Variants in ANOS1 observed in about 807,000 individuals in gnomAD.
The protein encoded by ANOS1 is anosmin-1.
In ANOS1, 6 loss-of-function variants were observed where a neutral mutation model predicts 59.0. That is an observed-to-expected ratio of 0.10 (90% confidence interval 0.06 to 0.20). ANOS1 has a LOEUF of 0.20. ANOS1 is among the 10% of genes least tolerant of loss of function. ANOS1 has a pLI of 1.00. For synonymous variants in ANOS1, 217 were observed against 223.4 expected, an observed-to-expected ratio of 0.97 and a Z score of 0.25; for missense variants, 433 against 542.3, an observed-to-expected ratio of 0.80 and a Z score of 2.00.
At chrX:8,659,538 T>TTTCC (rs200912660) in intron 2 of ANOS1, among the ~76,000 whole-genome samples, 4,765 of 94,800 alleles carry the variant, frequency 0.05, 324 homozygotes, top group African/African-American at 0.17. Context: ...TTTCTTTCTC[T>TTTCC]TTCCTTCCTT....
chrX:8,613,175 C>A (rs1006036022), intron 3 of ANOS1, among the ~76,000 whole-genome samples: 1 of 109,019 alleles, frequency 9.2e-6, no homozygotes, highest in South Asian at 3.9e-4. Context: ...TTATAAAGAA[C>A]CATTTTCATC....
At chrX:8,714,948 T>G in intron 1 of ANOS1, among the ~76,000 whole-genome samples, 1 of 112,428 alleles carries the variant, frequency 8.9e-6, no homozygotes, top group South Asian at 3.7e-4. Flanking sequence ...GATTCTGGGT[T>G]ATTTTAATAT....
rs773428715 is a variant in ANOS1, at chrX:8,645,764, G to A, written c.256-22094C>T. The stretch of plus-strand genomic sequence containing the variant: ...AGCCTTCTCAGGAACTGGGACTATA[G>A]GAAAATATGAATAGATTCATATTGT... On this transcript the variant is annotated intron_variant, in intron 2 of 13. Coordinates refer to ENST00000262648, the MANE Select transcript of ANOS1 (RefSeq NM_000216.4). Among the ~76,000 whole-genome samples, 10 of 111,590 alleles carry A rather than the reference G, an allele frequency of 9.0e-5. No individual in the cohort carries two copies. In the South Asian group the frequency reaches 1.5e-3, roughly 17 times the overall value.
rs753957183 is a variant in ANOS1 at position 8,541,253 on chromosome X, A to C, written c.1355-1495T>G. 2.8e-5 allele frequency among the ~76,000 whole-genome samples: 3 copies of C among 105,432 alleles called. No homozygotes were observed. In the South Asian group the frequency reaches 1.4e-3, roughly 48 times the overall value. The allele number at this position is 105,432 out of a possible 115,157, so 91.6% of individuals were successfully genotyped here. A position where few individuals can be genotyped will look rare whatever the true frequency, so the allele number is the denominator to read the frequency against. On this transcript the variant is annotated intron_variant, in intron 9 of 13. Transcript: ENST00000262648. ...CCCCCTCTCTACTAACAATACAAAA[A>C]TTAGCCAGGCGTGGTGGCAGGCGCC...
At chrX:8,726,932 G>A (rs933005904) in intron 1 of ANOS1, among the ~76,000 whole-genome samples, 7 of 111,720 alleles carry the variant, frequency 6.3e-5, no homozygotes, top group Non-Finnish European at 9.4e-5. Flanking sequence ...TGTCAGCATC[G>A]TACCCTTTAA....
At chrX:8,628,237 T>C (rs1447445718) in intron 2 of ANOS1, among the ~76,000 whole-genome samples, 2 of 111,769 alleles carry the variant, frequency 1.8e-5, no homozygotes, top group Non-Finnish European at 3.8e-5. Flanking sequence ...CTACCCTATA[T>C]GGTCTAAAAG....
intron 2 of ANOS1, among the ~76,000 whole-genome samples, chrX:8,669,263 C>T (rs769560947): frequency 8.9e-6 from 1 of 111,746 alleles, no homozygotes; most frequent in East Asian, 2.8e-4. Context: ...CAGGGTATTT[C>T]TAGGACTAGG....
chrX:8,705,933 G>A (rs772659769), intron 1 of ANOS1, among the ~76,000 whole-genome samples: 1 of 111,977 alleles, frequency 8.9e-6, no homozygotes, highest in South Asian at 3.7e-4. Flanking sequence ...GTATTTTATT[G>A]GTTTAACTAG....
At chrX:8,582,060 A>C (rs1041315659) in intron 6 of ANOS1, among the ~76,000 whole-genome samples, 3 of 112,196 alleles carry the variant, frequency 2.7e-5, no homozygotes, top group Non-Finnish European at 5.6e-5. Context: ...CAGTGGGAAT[A>C]AGAAGTAAAA....
chrX:8,554,568 T>TTTGTTG (rs1569047206), intron 8 of ANOS1, among the ~76,000 whole-genome samples: 4 of 94,919 alleles, frequency 4.2e-5, no homozygotes, highest in African/African-American at 1.7e-4. Flanking sequence ...TTTTTTTTTT[T>TTTGTTG]TTGTTGTTGT....
At chrX:8,634,290 C>T (rs1014416450) in intron 2 of ANOS1, among the ~76,000 whole-genome samples, 30 of 108,926 alleles carry the variant, frequency 2.8e-4, no homozygotes, top group Admixed American at 2.5e-3. Flanking sequence ...TATATGTATA[C>T]GTTATACATT....
intron 3 of ANOS1, among the ~76,000 whole-genome samples, chrX:8,609,941 A>G (rs1168904835): frequency 1.1e-5 from 1 of 90,233 alleles, no homozygotes. Context: ...CGGGAGGCGG[A>G]GCTTGCAGTG....
chrX:8,548,171 G>A (rs1929800805), intron 9 of ANOS1, among the ~76,000 whole-genome samples: 1 of 111,820 alleles, frequency 8.9e-6, no homozygotes, highest in Non-Finnish European at 1.9e-5. Context: ...CTTTCTTCCC[G>A]TTCTTTTTTT....
At chrX:8,729,627 C>G (rs1932952272) in intron 1 of ANOS1, among the ~76,000 whole-genome samples, 1 of 100,139 alleles carries the variant, frequency 1.0e-5, no homozygotes, top group African/African-American at 3.7e-5. Context: ...CTCCTGACCT[C>G]AAATGATCTG....
intron 6 of ANOS1, among the ~76,000 whole-genome samples, 189 bp from the exon 7 acceptor site, chrX:8,570,893 C>A (rs1339616239): frequency 9.0e-6 from 1 of 110,944 alleles, no homozygotes; most frequent in Non-Finnish European, 1.9e-5. Flanking sequence ...TGGCAGATAT[C>A]TTGAGCTCAG....
In ANOS1 at chrX:8,554,391, A is replaced by G. The variant is rs763689440; in HGVS notation, c.1208-293T>C. ...CCAAGGGAAGCCGTGAGTGAGGGAC[A>G]GTGCTATCCAGCACAGATAACTACG... On this transcript the variant is annotated intron_variant, in intron 8 of 13. Coordinates refer to ENST00000262648, the MANE Select transcript of ANOS1 (RefSeq NM_000216.4). Among the ~76,000 whole-genome samples, 23 of 110,931 alleles carry G rather than the reference A, an allele frequency of 2.1e-4. No individual in the cohort carries two copies. The East Asian group carries it at 6.3e-3, about 30-fold the overall frequency.
intron 2 of ANOS1, among the ~76,000 whole-genome samples, chrX:8,670,518 G>A (rs1277730286): frequency 1.8e-5 from 2 of 110,424 alleles, no homozygotes; most frequent in Non-Finnish European, 3.8e-5. Context: ...CTCCAACCAC[G>A]CTTGTTTAAT....
chrX:8,599,767 G>A (rs1414458914), intron 3 of ANOS1, among the ~76,000 whole-genome samples: 2 of 112,040 alleles, frequency 1.8e-5, no homozygotes, highest in Non-Finnish European at 3.8e-5. Context: ...TAGATACCCT[G>A]GAGATAGGAG....
At chrX:8,657,756 C>T (rs1428448325) in intron 2 of ANOS1, among the ~76,000 whole-genome samples, 1 of 111,556 alleles carries the variant, frequency 9.0e-6, no homozygotes, top group African/African-American at 3.3e-5. Flanking sequence ...CATGAGCCAC[C>T]GCACCCAGCC....
Sources: allele counts gnomAD v4.1 joint callset (sites outside exome capture counted in the v4.1 genomes callset), GRCh38; gene constraint gnomAD v4.1.1; transcripts MANE v1.5; gene names NCBI Gene and HGNC (gene_info 2026-07-23, HGNC 2026-07-21).